FRMPD1: variants seen among roughly 807,000 people sequenced by gnomAD.
FRMPD1 encodes the protein FERM and PDZ domain containing 1, also known as FERM and PDZ domain-containing protein 1.
A neutral mutation model predicts 117.8 loss-of-function variants in FRMPD1; 76 were observed. The observed-to-expected ratio is 0.65, with a 90% CI of 0.54 to 0.78. FRMPD1 has a LOEUF of 0.78. FRMPD1 is among the 30% of genes least tolerant of loss of function. The pLI is 0.00. For missense variants in FRMPD1, 1,786 were observed against 1,964.5 expected, an observed-to-expected ratio of 0.91 and a Z score of 1.72; for synonymous variants, 783 against 770.4, an observed-to-expected ratio of 1.02 and a Z score of -0.27.
intron 1 of FRMPD1, among the ~76,000 whole-genome samples, chr9:37,671,197 G>A (rs151330649): frequency 2.0e-3 from 305 of 152,304 alleles, no homozygotes; most frequent in African/African-American, 7.1e-3. Flanking sequence ...AGCCTCCAGA[G>A]CTGTTTTCCC....
rs1310359366 is a variant in FRMPD1, at chr9:37,707,571, C to A, written c.257C>A (p.Ala86Glu). 6.2e-7 allele frequency: 1 copy of A among 1,612,566 alleles called. No individual in the cohort carries two copies. The highest frequency in any genetic ancestry group is 1.1e-5 in the South Asian group (1 of 90,826). ...SLPLTVVAVT[A>E]GGSAHGKLFP... ...CCCCTTACAGTGGTGGCTGTCACAG[C>A]AGGTAGGGGATGACTGGGAAATGAG... The change falls in exon 3 of 16, where the codon GCA (alanine) becomes GAA (glutamate). Residue 86 changes from alanine (A) to glutamate (E), a missense_variant and splice_region_variant. Ala to Glu is a moderately radical substitution (Grantham distance 107, BLOSUM62 -1). Coordinates refer to ENST00000377765, the MANE Select transcript of FRMPD1 (RefSeq NM_014907.3).
intron 7 of FRMPD1, among the ~76,000 whole-genome samples, chr9:37,728,436 C>G (rs950754132): frequency 2.0e-5 from 3 of 152,146 alleles, no homozygotes; most frequent in African/African-American, 7.2e-5. Flanking sequence ...GAGAAAGAAA[C>G]AGACCTGGAA....
At chr9:37,733,641 T>G in intron 11 of FRMPD1, 42 bp downstream of exon 11, 2 of 1,611,094 alleles carry the variant, frequency 1.2e-6, no homozygotes, top group African/African-American at 2.7e-5. Flanking sequence ...CTGTCGTCTG[T>G]GAAACCTTAG....
the FRMPD1 span, among the ~76,000 whole-genome samples, chr9:37,639,536 T>C: frequency 6.6e-6 from 1 of 152,214 alleles, no homozygotes; most frequent in South Asian, 2.1e-4. Context: ...ATACATTATG[T>C]CTCCTAGTAG....
the FRMPD1 span, among the ~76,000 whole-genome samples, chr9:37,644,154 C>T: frequency 2.0e-5 from 3 of 152,328 alleles, no homozygotes; most frequent in East Asian, 5.8e-4. Context: ...TTTGGTCCAC[C>T]TGTGACATTC....
intron 1 of FRMPD1, among the ~76,000 whole-genome samples, chr9:37,682,018 G>A (rs1821747169): frequency 6.6e-6 from 1 of 152,196 alleles, no homozygotes; most frequent in African/African-American, 2.4e-5. Flanking sequence ...TCCTAAATGT[G>A]GTGGGTTTGA....
chr9:37,616,848 A>ACAGTGATCC, the FRMPD1 span, among the ~76,000 whole-genome samples: 1 of 152,226 alleles, frequency 6.6e-6, no homozygotes, highest in Non-Finnish European at 1.5e-5. Flanking sequence ...GGAAGGCACA[A>ACAGTGATCC]CAGTGATCCT....
intron 6 of FRMPD1, among the ~76,000 whole-genome samples, chr9:37,720,394 G>A (rs1018087220): frequency 1.3e-5 from 2 of 152,276 alleles, no homozygotes; most frequent in Non-Finnish European, 2.9e-5. Flanking sequence ...GCCGGGGGCG[G>A]TGGCTCACGC....
intron 4 of FRMPD1, among the ~76,000 whole-genome samples, chr9:37,710,498 GAT>G (rs1485058090): frequency 6.6e-6 from 1 of 152,124 alleles, no homozygotes; most frequent in Non-Finnish European, 1.5e-5. Context: ...CTACTATCTT[GAT>G]TATATGATTG....
At position 37,696,075 on chromosome 9, in the gene FRMPD1, T is replaced by A. The variant is rs10973495; in HGVS notation, c.101+3333T>A. ...GCTTTTTTTTTTTTTTTTTTTTTTT[T>A]AATATCTAGAAGTCATCGAGCTCTT... On this transcript the variant is annotated intron_variant, in intron 2 of 15. Transcript: ENST00000377765. Among the ~76,000 whole-genome samples the A allele has an allele frequency of 7.2e-3, 866 of 120,644 alleles. 6 individuals are homozygous for A. Among genetic ancestry groups the A allele is most frequent in the Non-Finnish European group, 0.011 (648 of 58,488 alleles). 79.1% of individuals were successfully genotyped at this position (120,644 alleles called of 152,430 possible).
chr9:37,619,507 C>G, the FRMPD1 span, among the ~76,000 whole-genome samples: 1 of 152,230 alleles, frequency 6.6e-6, no homozygotes. Flanking sequence ...CCTGAAATCC[C>G]AGCACTTTGG....
the FRMPD1 span, among the ~76,000 whole-genome samples, chr9:37,643,212 A>C: frequency 6.6e-6 from 1 of 152,202 alleles, no homozygotes; most frequent in Admixed American, 6.5e-5. Flanking sequence ...TAGGTAATTC[A>C]AGTGCATACA....
chr9:37,679,464 C>G (rs1405493389), intron 1 of FRMPD1, among the ~76,000 whole-genome samples: 1 of 152,200 alleles, frequency 6.6e-6, no homozygotes, highest in Non-Finnish European at 1.5e-5. Flanking sequence ...TCAGCATAGT[C>G]AACTTGAGAA....
chr9:37,618,425 C>G, the FRMPD1 span, among the ~76,000 whole-genome samples: 1 of 152,134 alleles, frequency 6.6e-6, no homozygotes, highest in African/African-American at 2.4e-5. Flanking sequence ...CCTCTTTTAC[C>G]TGGAATACTA....
At chr9:37,652,254 A>G (rs1820698159) in intron 1 of FRMPD1, among the ~76,000 whole-genome samples, 1 of 152,164 alleles carries the variant, frequency 6.6e-6, no homozygotes, top group African/African-American at 2.4e-5. Context: ...ATGATTTCCA[A>G]TCAAGACAAT....
chr9:37,703,765 A>G (rs192322960), intron 2 of FRMPD1, among the ~76,000 whole-genome samples: 1 of 152,188 alleles, frequency 6.6e-6, no homozygotes, highest in Admixed American at 6.5e-5. Flanking sequence ...TCTGTTCTAG[A>G]TATTTCATGT....
chr9:37,698,687 G>A lies in FRMPD1; in HGVS notation c.101+5945G>A, dbSNP rs111908131. 6.8e-3 allele frequency among the ~76,000 whole-genome samples: 1,013 copies of A among 149,764 alleles called. 11 individuals carry two copies. The highest frequency in any genetic ancestry group is 0.023 in the African/African-American group (953 of 40,574). ...AGAGATTCTCCTGCCTCAGTCGCCC[G>A]CGTAGCTGGGATTACAGATATGCGC... On this transcript the variant is annotated intron_variant, in intron 2 of 15. Transcript: ENST00000377765.
At chr9:37,627,656 T>C in the FRMPD1 span, among the ~76,000 whole-genome samples, 1 of 152,206 alleles carries the variant, frequency 6.6e-6, no homozygotes, top group East Asian at 1.9e-4. Flanking sequence ...ATTTTTTTTA[T>C]AGAGACAAGG....
chr9:37,656,021 C>A (rs1370947354), intron 1 of FRMPD1, among the ~76,000 whole-genome samples: 1 of 152,176 alleles, frequency 6.6e-6, no homozygotes, highest in Non-Finnish European at 1.5e-5. Flanking sequence ...TCATTACTGT[C>A]AGCCTTGAAG....
Sources: allele counts gnomAD v4.1 joint callset (sites outside exome capture counted in the v4.1 genomes callset), GRCh38; gene constraint gnomAD v4.1.1; transcripts MANE v1.5; gene names NCBI Gene and HGNC (gene_info 2026-07-23, HGNC 2026-07-21).